SHISA9: variants seen among roughly 807,000 people sequenced by gnomAD.
The protein encoded by SHISA9 is shisa family member 9.
Under a neutral mutation model 38.0 loss-of-function variants are expected in SHISA9, and 13 were observed. The ratio of observed to expected loss-of-function variants is 0.34; its 90% CI spans 0.22 to 0.54. The LOEUF (loss-of-function observed/expected upper bound fraction) is 0.54. SHISA9 is among the 20% of genes least tolerant of loss of function. The pLI is 0.91. For synonymous variants in SHISA9, 275 were observed against 242.0 expected (o/e 1.14, Z -1.27); for missense variants, 538 against 575.8 (o/e 0.93, Z 0.67).
the SHISA9 span, among the ~76,000 whole-genome samples, chr16:13,361,946 T>C: frequency 3.3e-5 from 5 of 152,198 alleles, no homozygotes; most frequent in African/African-American, 1.2e-4. Context: ...TAAAGAATTA[T>C]GGGCTTTGGA....
the SHISA9 span, among the ~76,000 whole-genome samples, chr16:13,395,633 A>G: frequency 6.6e-6 from 1 of 152,220 alleles, no homozygotes; most frequent in Non-Finnish European, 1.5e-5. Context: ...TTATACTTTA[A>G]TGTTCTGTCT....
chr16:13,371,757 T>C, the SHISA9 span, among the ~76,000 whole-genome samples: 2 of 152,216 alleles, frequency 1.3e-5, no homozygotes, highest in African/African-American at 2.4e-5. Context: ...AACGGGGAGA[T>C]GTACAGAATC....
At chr16:13,177,932 T>C (rs910702244) in intron 2 of SHISA9, among the ~76,000 whole-genome samples, 2 of 152,182 alleles carry the variant, frequency 1.3e-5, no homozygotes, top group African/African-American at 2.4e-5. Flanking sequence ...CCTCCCAAAG[T>C]GCTGGGATTA....
At chr16:13,223,545 A>G (rs2051249899) in intron 4 of SHISA9, among the ~76,000 whole-genome samples, 1 of 152,160 alleles carries the variant, frequency 6.6e-6, no homozygotes. Flanking sequence ...TTGTTTTTCA[A>G]GACTGGGGGC....
the SHISA9 span, among the ~76,000 whole-genome samples, chr16:13,506,132 T>C: frequency 4.6e-5 from 7 of 152,324 alleles, no homozygotes; most frequent in African/African-American, 1.2e-4. Context: ...TCCTTGAACA[T>C]TCAAGTCATT....
intron 3 of SHISA9, chr16:13,204,951 C>T (rs1394923681): frequency 6.6e-6 from 1 of 152,214 alleles, no homozygotes; most frequent in East Asian, 1.9e-4. Context: ...CTGACAGTGA[C>T]TGAGGCTCCT....
chr16:13,431,686 G>T, the SHISA9 span, among the ~76,000 whole-genome samples: 1 of 152,170 alleles, frequency 6.6e-6, no homozygotes, highest in African/African-American at 2.4e-5. Context: ...GACTGACTCA[G>T]CTCCCTGCCT....
the SHISA9 span, among the ~76,000 whole-genome samples, chr16:13,459,029 T>C: frequency 6.6e-6 from 1 of 152,028 alleles, no homozygotes; most frequent in African/African-American, 2.4e-5. Context: ...ATTTTTGTAA[T>C]TTTAGCAGAG....
chr16:13,179,553 CA>C (rs1231989713), intron 2 of SHISA9, among the ~76,000 whole-genome samples: 2 of 152,158 alleles, frequency 1.3e-5, no homozygotes, highest in Non-Finnish European at 2.9e-5. Context: ...CTAAGAAAAT[CA>C]AAGCTCTCTT....
At chr16:13,501,886 C>A in the SHISA9 span, among the ~76,000 whole-genome samples, 1 of 152,076 alleles carries the variant, frequency 6.6e-6, no homozygotes, top group South Asian at 2.1e-4. Flanking sequence ...CTTGTAATCC[C>A]AGCTATTCTG....
At chr16:12,902,849 C>CGTGTGT (rs3974950) in intron 1 of SHISA9, 6,476 of 492,508 alleles carry the variant, frequency 0.013, 37 homozygotes, top group African/African-American at 0.022. Flanking sequence ...TGTGTGTGAG[C>CGTGTGT]GTGTGTGTGT....
chr16:13,526,952 G>A, the SHISA9 span, among the ~76,000 whole-genome samples: 3 of 149,832 alleles, frequency 2.0e-5, no homozygotes, highest in Non-Finnish European at 4.5e-5. Flanking sequence ...TTTTTTTAGA[G>A]ACAAACAAGC....
the SHISA9 span, among the ~76,000 whole-genome samples, chr16:13,537,405 G>A: frequency 6.6e-6 from 1 of 151,384 alleles, no homozygotes; most frequent in Non-Finnish European, 1.5e-5. Context: ...TCCAGCCTAG[G>A]TGACAAGAAT....
chr16:13,334,709 G>A, the SHISA9 span, among the ~76,000 whole-genome samples: 1 of 150,836 alleles, frequency 6.6e-6, no homozygotes, highest in African/African-American at 2.4e-5. Flanking sequence ...GGGAGGCAGA[G>A]GTTGCAGTGA....
intron 2 of SHISA9, among the ~76,000 whole-genome samples, chr16:12,933,224 C>G (rs955890725): frequency 2.6e-5 from 4 of 152,036 alleles, no homozygotes; most frequent in African/African-American, 9.7e-5. Context: ...TCGAGTCAGA[C>G]CACCATAAAA....
chr16:12,998,095 A>G (rs568978890), intron 2 of SHISA9, among the ~76,000 whole-genome samples: 1 of 152,282 alleles, frequency 6.6e-6, no homozygotes, highest in Admixed American at 6.5e-5. Context: ...CTCAGTACAT[A>G]TTTGTTGGGA....
the SHISA9 span, among the ~76,000 whole-genome samples, chr16:13,360,984 T>G: frequency 6.6e-6 from 1 of 152,206 alleles, no homozygotes; most frequent in Non-Finnish European, 1.5e-5. Context: ...TCATTCCAAC[T>G]TTTGGAGATA....
intron 2 of SHISA9, among the ~76,000 whole-genome samples, chr16:13,155,067 G>T (rs1437763033): frequency 6.6e-6 from 1 of 152,210 alleles, no homozygotes; most frequent in Non-Finnish European, 1.5e-5. Flanking sequence ...AATGACATGG[G>T]ATGAAATATA....
the SHISA9 span, among the ~76,000 whole-genome samples, chr16:13,367,714 A>G: frequency 0.075 from 6,604 of 88,278 alleles, 144 homozygotes; most frequent in Non-Finnish European, 0.095. Context: ...GCGCGCGCGC[A>G]CACACACACA....
Sources: gnomAD v4.1 joint callset for allele counts (sites outside exome capture counted in the v4.1 genomes callset) on GRCh38, gnomAD v4.1.1 for gene constraint, MANE v1.5 for transcripts, NCBI Gene and HGNC (gene_info 2026-07-23, HGNC 2026-07-21) for gene names.